FAF1: variants seen among roughly 807,000 people sequenced by gnomAD.
FAF1 encodes FAS-associated factor 1.
A neutral mutation model predicts 92.5 loss-of-function variants in FAF1; 25 were observed. That is an observed-to-expected ratio of 0.27 (90% CI 0.20 to 0.38). FAF1 has a LOEUF of 0.38. Among genes scored for constraint, FAF1 ranks in the 10% least tolerant of loss-of-function variants. The pLI, the probability that FAF1 is intolerant of heterozygous loss-of-function variation, is 1.00. For synonymous variants in FAF1, 234 were observed against 273.2 expected, an observed-to-expected ratio of 0.86 and a Z score of 1.42; for missense variants, 636 against 793.3, an observed-to-expected ratio of 0.80 and a Z score of 2.38.
At chr1:50,563,947 T>C (rs901308735) in intron 13 of FAF1, among the ~76,000 whole-genome samples, 7 of 152,180 alleles carry the variant, frequency 4.6e-5, no homozygotes, top group African/African-American at 1.4e-4. Context: ...GTTATGACAT[T>C]CTATAGAAAT....
At chr1:50,628,573 G>T (rs1215761323) in intron 8 of FAF1, among the ~76,000 whole-genome samples, 1 of 152,124 alleles carries the variant, frequency 6.6e-6, no homozygotes, top group East Asian at 1.9e-4. Flanking sequence ...GATGAAAAAG[G>T]CTAGAAGGAC....
intron 2 of FAF1, among the ~76,000 whole-genome samples, chr1:50,837,920 T>A (rs1644223195): frequency 6.6e-6 from 1 of 152,108 alleles, no homozygotes; most frequent in South Asian, 2.1e-4. Context: ...ATTTTTTGTA[T>A]TTTTAGCAGA....
intron 2 of FAF1, chr1:50,846,636 G>T: frequency 1.9e-6 from 1 of 531,582 alleles, no homozygotes; most frequent in South Asian, 1.5e-5. Context: ...CACAATCAGT[G>T]GCACAACAGA....
At chr1:50,885,815 AG>A (rs1644657560) in intron 1 of FAF1, among the ~76,000 whole-genome samples, 1 of 151,984 alleles carries the variant, frequency 6.6e-6, no homozygotes, top group Non-Finnish European at 1.5e-5. Flanking sequence ...TGGTAGTATG[AG>A]TTAATTTCTT....
intron 6 of FAF1, among the ~76,000 whole-genome samples, chr1:50,706,788 T>C (rs1657691722): frequency 6.6e-6 from 1 of 152,220 alleles, no homozygotes; most frequent in Non-Finnish European, 1.5e-5. Context: ...TCAAGTGTAA[T>C]TTTGCCATGC....
chr1:50,542,111 A>C (rs1472520442), intron 13 of FAF1, among the ~76,000 whole-genome samples: 1 of 152,194 alleles, frequency 6.6e-6, no homozygotes, highest in East Asian at 1.9e-4. Flanking sequence ...GGAATCACAC[A>C]ACCAGCTGAC....
At chr1:50,701,590 G>A (rs1353164905) in intron 7 of FAF1, among the ~76,000 whole-genome samples, 1 of 152,064 alleles carries the variant, frequency 6.6e-6, no homozygotes, top group Non-Finnish European at 1.5e-5. Flanking sequence ...AGCAAGTTAA[G>A]AAAGTAGCAA....
chr1:50,597,706 T>G (rs1651890369), intron 8 of FAF1, among the ~76,000 whole-genome samples: 1 of 152,176 alleles, frequency 6.6e-6, no homozygotes, highest in South Asian at 2.1e-4. Flanking sequence ...AAAATAGCTA[T>G]AGTTGGCAAG....
intron 8 of FAF1, among the ~76,000 whole-genome samples, chr1:50,616,060 A>ATTCC (rs1652900716): frequency 6.6e-6 from 1 of 152,178 alleles, no homozygotes; most frequent in Non-Finnish European, 1.5e-5. Flanking sequence ...GCCTAGTTCC[A>ATTCC]TTCCTTTGCA....
intron 13 of FAF1, among the ~76,000 whole-genome samples, chr1:50,545,206 T>C (rs919749741): frequency 4.6e-5 from 7 of 152,164 alleles, no homozygotes; most frequent in Admixed American, 4.6e-4. Context: ...ATGGAAATAG[T>C]AATAGCACAT....
chr1:50,613,725 A>G (rs1652779526), intron 8 of FAF1, among the ~76,000 whole-genome samples: 1 of 152,216 alleles, frequency 6.6e-6, no homozygotes, highest in South Asian at 2.1e-4. Context: ...TAATCACTCA[A>G]TATACATGTG....
chr1:50,898,453 TGAA>T (rs1644772953), intron 1 of FAF1, among the ~76,000 whole-genome samples: 1 of 152,162 alleles, frequency 6.6e-6, no homozygotes, highest in Non-Finnish European at 1.5e-5. Context: ...TATTCTACAA[TGAA>T]GAAATCTCCA....
At chr1:50,751,633 C>T (rs1397932122) in intron 4 of FAF1, among the ~76,000 whole-genome samples, 4 of 152,216 alleles carry the variant, frequency 2.6e-5, no homozygotes, top group African/African-American at 9.6e-5. Flanking sequence ...TGAGCCACTG[C>T]ACCCAGCCTA....
At chr1:50,845,949 C>T (rs550615041) in intron 2 of FAF1, among the ~76,000 whole-genome samples, 16 of 152,024 alleles carry the variant, frequency 1.1e-4, no homozygotes, top group African/African-American at 3.9e-4. Context: ...ATGAGGAAAC[C>T]CCGTCTCTAC....
At chr1:50,545,549 G>GTGTGAGCCACCA (rs1361299699) in intron 13 of FAF1, among the ~76,000 whole-genome samples, 1 of 151,498 alleles carries the variant, frequency 6.6e-6, no homozygotes, top group Non-Finnish European at 1.5e-5. Flanking sequence ...GATTATACAG[G>GTGTGAGCCACCA]TGTGAGCCAC....
At chr1:50,941,517 T>G (rs921139922) in intron 1 of FAF1, among the ~76,000 whole-genome samples, 17 of 152,096 alleles carry the variant, frequency 1.1e-4, no homozygotes, top group Non-Finnish European at 1.5e-5. Flanking sequence ...GTGCCAGTCC[T>G]CAGCTAATTT....
intron 1 of FAF1, among the ~76,000 whole-genome samples, chr1:50,943,381 A>G (rs773983590): frequency 6.6e-5 from 10 of 152,192 alleles, no homozygotes; most frequent in African/African-American, 2.4e-4. Flanking sequence ...AGCTTTCTGT[A>G]TTGATCTTTC....
At chr1:50,836,964 T>G (rs1309925639) in intron 2 of FAF1, among the ~76,000 whole-genome samples, 1 of 136,666 alleles carries the variant, frequency 7.3e-6, no homozygotes, top group Non-Finnish European at 1.6e-5. Flanking sequence ...TTTTTTTTTT[T>G]TTTTTTTTTT....
At chr1:50,896,019 C>A (rs752718189) in intron 1 of FAF1, among the ~76,000 whole-genome samples, 2 of 152,058 alleles carry the variant, frequency 1.3e-5, no homozygotes, top group Non-Finnish European at 2.9e-5. Flanking sequence ...CACTGCTATT[C>A]GACACAGTAC....
Sources: gnomAD v4.1 joint callset for allele counts (sites outside exome capture counted in the v4.1 genomes callset) on GRCh38, gnomAD v4.1.1 for gene constraint, MANE v1.5 for transcripts, NCBI Gene and HGNC (gene_info 2026-07-23, HGNC 2026-07-21) for gene names.